Variants in BBS9 observed in about 807,000 individuals in gnomAD.
The protein encoded by BBS9 is protein PTHB1.
A neutral mutation model predicts 117.7 loss-of-function variants in BBS9; 89 were observed. The observed-to-expected ratio is 0.76, with a 90% CI of 0.64 to 0.90. The LOEUF is 0.90. Among genes scored for constraint, BBS9 ranks in the 40% least tolerant of loss-of-function variants. BBS9 has a pLI of 0.00. For missense variants in BBS9, 982 were observed against 1,042.2 expected, an observed-to-expected ratio of 0.94 and a Z score of 0.80; for synonymous variants, 379 against 370.9, an observed-to-expected ratio of 1.02 and a Z score of -0.25.
rs1361272297 is a variant in BBS9 at position 33,353,000 on chromosome 7, A to G, written c.1552+127A>G. ...TTTTAACTAGAAGAAGTTCTTTAGG[A>G]TGATACAGTGCCTTGATTCTGCTAT... On this transcript the variant is annotated intron_variant, in intron 15 of 22. Transcript: ENST00000242067. The G allele has an allele frequency of 7.4e-6, 7 of 941,964 alleles. No homozygotes were observed. The East Asian group carries it at 1.6e-4, about 21-fold the overall frequency. 58.4% of individuals were successfully genotyped at this position (941,964 alleles called of 1,614,324 possible).
At chr7:33,432,633 A>G (rs1834687418) in intron 19 of BBS9, among the ~76,000 whole-genome samples, 2 of 152,338 alleles carry the variant, frequency 1.3e-5, no homozygotes, top group African/African-American at 2.4e-5. Context: ...ATAATTTAGC[A>G]GATAAAAAAT....
intron 9 of BBS9, among the ~76,000 whole-genome samples, chr7:33,291,910 C>T (rs190001634): frequency 5.3e-5 from 8 of 152,080 alleles, no homozygotes; most frequent in African/African-American, 1.2e-4. Context: ...TCTTTAGGGC[C>T]GCTCCACTTT....
intron 9 of BBS9, among the ~76,000 whole-genome samples, chr7:33,335,527 G>T (rs751138537): frequency 1.3e-5 from 2 of 151,964 alleles, no homozygotes; most frequent in Non-Finnish European, 2.9e-5. Context: ...TTGTTTTTAT[G>T]GCAAACTTAG....
intron 9 of BBS9, among the ~76,000 whole-genome samples, chr7:33,331,505 C>T (rs1014220195): frequency 1.3e-5 from 2 of 152,042 alleles, no homozygotes; most frequent in African/African-American, 2.4e-5. Flanking sequence ...GATTGTATGC[C>T]TAGAAAACCC....
intron 9 of BBS9, among the ~76,000 whole-genome samples, chr7:33,298,548 A>T (rs994528471): frequency 5.3e-5 from 8 of 152,180 alleles, no homozygotes; most frequent in Admixed American, 1.3e-4. Context: ...CCCTTTAAGA[A>T]TGATAGTTGT....
intron 16 of BBS9, among the ~76,000 whole-genome samples, chr7:33,364,988 C>A (rs896167953): frequency 2.6e-5 from 4 of 151,914 alleles, no homozygotes; most frequent in Admixed American, 2.6e-4. Flanking sequence ...CTCGGCCTCC[C>A]AGAGTGCTAG....
At chr7:33,487,260 G>A (rs569800737) in intron 19 of BBS9, among the ~76,000 whole-genome samples, 23 of 152,200 alleles carry the variant, frequency 1.5e-4, no homozygotes, top group African/African-American at 3.9e-4. Context: ...AATGCTATGG[G>A]GTTTTTCCAG....
intron 9 of BBS9, among the ~76,000 whole-genome samples, chr7:33,335,495 C>T (rs1459960664): frequency 6.6e-6 from 1 of 152,142 alleles, no homozygotes; most frequent in Non-Finnish European, 1.5e-5. Context: ...CTCAAAATGG[C>T]TTATCACGAT....
chr7:33,163,930 C>G (rs1414761218), intron 4 of BBS9, among the ~76,000 whole-genome samples: 2 of 152,080 alleles, frequency 1.3e-5, no homozygotes, highest in African/African-American at 4.8e-5. Flanking sequence ...GTTAGGGTGT[C>G]TATTTTAGAT....
chr7:33,450,824 G>A (rs60118903), intron 19 of BBS9, among the ~76,000 whole-genome samples: 26,364 of 150,816 alleles, frequency 0.17, 2,532 homozygotes, highest in South Asian at 0.21. Flanking sequence ...TTTATAGGTT[G>A]CCATTTCATT....
chr7:33,480,385 G>A (rs919883042), intron 19 of BBS9, among the ~76,000 whole-genome samples: 2 of 152,178 alleles, frequency 1.3e-5, no homozygotes, highest in African/African-American at 2.4e-5. Flanking sequence ...TTAAATGGGG[G>A]AGAAAGACGT....
intron 5 of BBS9, among the ~76,000 whole-genome samples, chr7:33,219,239 G>C (rs866740372): frequency 1.3e-5 from 2 of 152,180 alleles, no homozygotes; most frequent in Admixed American, 1.3e-4. Flanking sequence ...CCTGCAGCCC[G>C]CCATGCCTGA....
At chr7:33,158,637 C>T (rs1296804099) in intron 4 of BBS9, among the ~76,000 whole-genome samples, 2 of 152,090 alleles carry the variant, frequency 1.3e-5, no homozygotes, top group Non-Finnish European at 2.9e-5. Flanking sequence ...TCGTTTCATG[C>T]CAAGTTTAAA....
chr7:33,385,170 A>G (rs771257826), intron 18 of BBS9, among the ~76,000 whole-genome samples: 4 of 152,136 alleles, frequency 2.6e-5, no homozygotes, highest in Non-Finnish European at 4.4e-5. Flanking sequence ...AATAAGTTTG[A>G]CATATAATTT....
intron 19 of BBS9, among the ~76,000 whole-genome samples, chr7:33,493,281 A>C (rs897032876): frequency 1.3e-5 from 2 of 152,126 alleles, no homozygotes; most frequent in African/African-American, 4.8e-5. Flanking sequence ...GCTGTGAACC[A>C]CCGCGCCTGG....
chr7:33,593,386 A>G (rs1004689011), intron 21 of BBS9, among the ~76,000 whole-genome samples: 1 of 152,134 alleles, frequency 6.6e-6, no homozygotes, highest in Admixed American at 6.6e-5. Context: ...CTTTAACAAA[A>G]TAGTGAGTAG....
At chr7:33,397,015 G>A (rs1217482711) in intron 19 of BBS9, among the ~76,000 whole-genome samples, 1 of 151,784 alleles carries the variant, frequency 6.6e-6, no homozygotes, top group Admixed American at 6.6e-5. Flanking sequence ...GATAGATCAA[G>A]ACTATCATCA....
intron 21 of BBS9, among the ~76,000 whole-genome samples, chr7:33,584,003 A>G (rs1439329989): frequency 6.6e-6 from 1 of 152,054 alleles, no homozygotes; most frequent in Non-Finnish European, 1.5e-5. Flanking sequence ...AATTATTATC[A>G]TAGTTATTCT....
chr7:33,333,891 C>T lies in BBS9; in HGVS notation c.1017-2550C>T, dbSNP rs560075953. On this transcript the variant is annotated intron_variant, in intron 9 of 22. Coordinates refer to ENST00000242067, the MANE Select transcript of BBS9 (RefSeq NM_198428.3). ...CTTTCCAAAATGCTGAGATTACAGG[C>T]GTGAGCCACCATCCCCAGCCTATAA... Among the ~76,000 whole-genome samples, 450 of 152,196 alleles carry T rather than the reference C, an allele frequency of 3.0e-3. 6 individuals carry two copies. In the South Asian group the frequency reaches 0.051, roughly 17 times the overall value.
Sources: gnomAD v4.1 joint callset for allele counts (sites outside exome capture counted in the v4.1 genomes callset) on GRCh38, gnomAD v4.1.1 for gene constraint, MANE v1.5 for transcripts, NCBI Gene and HGNC (gene_info 2026-07-23, HGNC 2026-07-21) for gene names.